The following ZKSCAN5 variants were observed in gnomAD, a reference collection of about 807,000 sequenced individuals.
The protein encoded by ZKSCAN5 is zinc finger with KRAB and SCAN domains 5.
In ZKSCAN5, 28 loss-of-function variants were observed where a neutral mutation model predicts 60.0. That is an observed-to-expected ratio of 0.47 (90% CI 0.35 to 0.64). ZKSCAN5 has a LOEUF of 0.64. Among genes scored for constraint, ZKSCAN5 ranks in the 30% least tolerant of loss-of-function variants. The probability of loss-of-function intolerance (pLI) is 0.01; values close to 1 mark genes in which losing one functional copy is unlikely to be tolerated. For synonymous variants in ZKSCAN5, 361 were observed against 371.2 expected, an observed-to-expected ratio of 0.97 and a Z score of 0.31; for missense variants, 881 against 1,034.6, an observed-to-expected ratio of 0.85 and a Z score of 2.04.
rs775443022 is a variant in ZKSCAN5, at chr7:99,506,157, T to G, written c.113T>G (p.Met38Arg). Residue 38 changes from methionine to arginine, a missense_variant, in exon 2 of 7, where the codon ATG becomes AGG. This residue lies in a region of ZKSCAN5 where 88 missense variants were observed against 65.2 expected (regional missense o/e 1.35). Transcript: ENST00000326775. Reference sequence around the variant, plus strand: ...GTGGAAGAAGAAGACTGCACCTGGATGCAGGAGTACAACCCGCCAACGTTT... The same window carrying G: ...GTGGAAGAAGAAGACTGCACCTGGAGGCAGGAGTACAACCCGCCAACGTTT... ...VKVEEEDCTWMQEYNPPTFET... is the reference protein window; with the variant it reads ...VKVEEEDCTWRQEYNPPTFET... The G allele has an allele frequency of 6.2e-6, 10 of 1,614,180 alleles. No individual in the cohort carries two copies. Among genetic ancestry groups the G allele is most frequent in the Non-Finnish European group, 8.5e-6 (10 of 1,180,042 alleles).
chr7:99,510,022 G>A (rs544900663), intron 2 of ZKSCAN5, among the ~76,000 whole-genome samples: 1 of 152,112 alleles, frequency 6.6e-6, no homozygotes, highest in Admixed American at 6.6e-5. Context: ...ATAGCTCACT[G>A]CAGCCTCGAA....
intron 1 of ZKSCAN5, 119 bp from the exon 2 acceptor site, chr7:99,505,881 TTAGTA>T: frequency 1.3e-6 from 1 of 755,340 alleles, no homozygotes; most frequent in Non-Finnish European, 2.1e-6. Context: ...GTGGTCGTCT[TTAGTA>T]TAGATGACCT....
intron 5 of ZKSCAN5, among the ~76,000 whole-genome samples, chr7:99,525,038 C>T (rs769812062): frequency 2.2e-4 from 34 of 151,778 alleles, no homozygotes; most frequent in Admixed American, 3.9e-4. Context: ...TGGTGATGTG[C>T]GCCTGTAGTC....
chr7:99,507,541 A>ATGTATATATATGTATATATATG, intron 2 of ZKSCAN5, among the ~76,000 whole-genome samples: 1 of 142,076 alleles, frequency 7.0e-6, no homozygotes, highest in South Asian at 2.1e-4. Context: ...GTATATATAT[A>ATGTATATATATGTATATATATG]TGTATATATA....
chr7:99,519,117 A>C (rs1172176995), intron 3 of ZKSCAN5, among the ~76,000 whole-genome samples: 2 of 151,230 alleles, frequency 1.3e-5, no homozygotes, highest in East Asian at 1.9e-4. Flanking sequence ...CTGGGACTAC[A>C]GGCACCTGCC....
chr7:99,532,169 T>C lies in ZKSCAN5; in HGVS notation c.2440T>C (p.Cys814Arg). Reference protein sequence around the residue: ...KECGMNFSWSCSLFKHLRSHE... With the variant: ...KECGMNFSWSRSLFKHLRSHE... ...ATGTGGAATGAATTTCAGCTGGAGT[T>C]GTAGCCTCTTTAAACACCTGAGAAG... Residue 814 changes from cysteine (C) to arginine (R), a missense_variant, in exon 7 of 7, where the codon TGT (cysteine) becomes CGT (arginine). Cys to Arg is a radical substitution (Grantham distance 180). Transcript: ENST00000326775. 1 of 1,613,606 alleles carries C rather than the reference T, an allele frequency of 6.2e-7. No homozygotes were observed.
chr7:99,508,795 C>A (rs1044902322), intron 2 of ZKSCAN5, among the ~76,000 whole-genome samples: 1 of 137,568 alleles, frequency 7.3e-6, no homozygotes, highest in Non-Finnish European at 1.6e-5. Flanking sequence ...TGAAATTTTT[C>A]TTTCTTTCTT....
In ZKSCAN5 at chr7:99,531,538, G is replaced by T; in HGVS notation, c.1809G>T (p.Lys603Asn). Reference sequence around the variant, plus strand: ...ATCAGCGCGTCCACACAGGTGAGAAGCCCTACACCTGTCCCTTATGTGGGA... The same window carrying T: ...ATCAGCGCGTCCACACAGGTGAGAATCCCTACACCTGTCCCTTATGTGGGA... ...TQHQRVHTGE[K>N]PYTCPLCGKA... Residue 603 changes from lysine (K) to asparagine (N), a missense_variant, in exon 7 of 7, where the codon AAG becomes AAT. Around this residue, in one of 5 missense-constraint regions of ZKSCAN5, gnomAD observed 112 missense variants for 182.4 expected, o/e 0.61. Coordinates refer to ENST00000326775, the MANE Select transcript of ZKSCAN5 (RefSeq NM_145102.4). The T allele has an allele frequency of 6.2e-7, 1 of 1,614,208 alleles. No individual in the cohort carries two copies. Among genetic ancestry groups the T allele is most frequent in the East Asian group, 2.2e-5 (1 of 44,876 alleles).
chr7:99,531,108 G>A lies in ZKSCAN5; in HGVS notation c.1379G>A (p.Cys460Tyr). The A allele has an allele frequency of 6.4e-7, 1 of 1,568,524 alleles. No homozygotes were observed. Among genetic ancestry groups the A allele is most frequent in the Non-Finnish European group, 8.6e-7 (1 of 1,163,822 alleles). ...TTCACTTGCTCTTTATTTTTTTTAGGCAGTGACAAAAGAAGTAAGAACACA... is the reference window on the plus strand; with the variant it reads ...TTCACTTGCTCTTTATTTTTTTTAGACAGTGACAAAAGAAGTAAGAACACA... The part of the protein sequence containing the change: ...KRHFREKSQR[C>Y]SDKRSKNTKL... The change falls in exon 7 of 7, where the codon TGC becomes TAC. Residue 460 changes from cysteine to tyrosine, a missense_variant and splice_region_variant. Physicochemically the swap from Cys to Tyr is radical, Grantham distance 194 (BLOSUM62 -2). Around this residue, in one of 5 missense-constraint regions of ZKSCAN5, gnomAD observed 490 missense variants for 554.5 expected, o/e 0.88. Transcript: ENST00000326775.
At chr7:99,513,709 T>C (rs760963788) in intron 3 of ZKSCAN5, 2 of 305,988 alleles carry the variant, frequency 6.5e-6, no homozygotes, top group Non-Finnish European at 1.4e-5. Flanking sequence ...ATAGATTTTC[T>C]TGTCTTAATG....
At chr7:99,522,529 A>G (rs971060957) in intron 5 of ZKSCAN5, among the ~76,000 whole-genome samples, 1 of 150,776 alleles carries the variant, frequency 6.6e-6, no homozygotes, top group East Asian at 2.0e-4. Flanking sequence ...GGAGCAGTGC[A>G]GTGGTACGAT....
At position 99,511,144 on chromosome 7, in the gene ZKSCAN5, A is replaced by G. The variant is rs184881990; in HGVS notation, c.415-1309A>G. Among the ~76,000 whole-genome samples the G allele has an allele frequency of 4.6e-5, 7 of 152,316 alleles. No homozygotes were observed. In the East Asian group the frequency reaches 1.4e-3, roughly 29 times the overall value. ...AATGTAAGGGAGGGAGAAAAGGGGA[A>G]AGGAACTTACTACATTCCAATATGT... On this transcript the variant is annotated intron_variant, in intron 2 of 6. Transcript: ENST00000326775.
chr7:99,508,736 G>A (rs1252418693), intron 2 of ZKSCAN5, among the ~76,000 whole-genome samples: 3 of 147,746 alleles, frequency 2.0e-5, no homozygotes, highest in Non-Finnish European at 4.5e-5. Flanking sequence ...GCGATGGAGC[G>A]AGACTCCCAT....
intron 3 of ZKSCAN5, among the ~76,000 whole-genome samples, chr7:99,516,430 C>G (rs1231650306): frequency 6.6e-6 from 1 of 152,166 alleles, no homozygotes; most frequent in African/African-American, 2.4e-5. Flanking sequence ...TGGCTTTCAT[C>G]TGTAACCATT....
intron 2 of ZKSCAN5, 65 bp from the exon 3 acceptor site, chr7:99,512,388 T>G: frequency 3.2e-6 from 5 of 1,551,088 alleles, no homozygotes; most frequent in Non-Finnish European, 4.4e-6. Context: ...TCCACCATGA[T>G]TCTACTGATT....
At position 99,506,387 on chromosome 7, in the gene ZKSCAN5, C is replaced by T; in HGVS notation, c.343C>T (p.Pro115Ser). The change falls in exon 2 of 7, where the codon CCT becomes TCT. Residue 115 changes from proline (P) to serine (S), a missense_variant. By Grantham distance (74) the Pro-to-Ser change is moderately conservative. This residue lies in a region of ZKSCAN5 where 53 missense variants were observed against 88.7 expected (regional missense o/e 0.60). Transcript: ENST00000326775. Reference sequence around the variant, plus strand: ...CCAGCCCTGGGTGAGGGAACATCACCCTGAAAGTGGAGAAGAGGCGGTGGC... The same window carrying T: ...CCAGCCCTGGGTGAGGGAACATCACTCTGAAAGTGGAGAAGAGGCGGTGGC... ...EFQPWVREHH[P>S]ESGEEAVAVI... 6.2e-7 allele frequency: 1 copy of T among 1,614,118 alleles called. No homozygotes were observed. The highest frequency in any genetic ancestry group is 8.5e-7 in the Non-Finnish European group (1 of 1,180,034).
At position 99,506,021 on chromosome 7, in the gene ZKSCAN5, T is replaced by G. The variant is rs778181689; in HGVS notation, c.-24T>G. 1.2e-6 allele frequency: 2 copies of G among 1,605,682 alleles called. No homozygotes were observed. Among genetic ancestry groups the G allele is most frequent in the South Asian group, 2.2e-5 (2 of 90,758 alleles). ...TTGTTTCAGTGTAACACAGCCAGCCTCGAAGACTTCCCTCTGAGTTGGAAT... is the reference window on the plus strand; with the variant it reads ...TTGTTTCAGTGTAACACAGCCAGCCGCGAAGACTTCCCTCTGAGTTGGAAT... On this transcript the variant is annotated 5_prime_UTR_variant, in exon 2 of 7. Coordinates refer to ENST00000326775, the MANE Select transcript of ZKSCAN5 (RefSeq NM_145102.4).
In ZKSCAN5 at chr7:99,531,445, T is replaced by C. The variant is rs2151119830; in HGVS notation, c.1716T>C (p.Thr572=). ...AHLIQHQRIH[T]GEKPFRCEEC... ...TTATTCAACATCAAAGAATACACAC[T>C]GGGGAGAAACCATTCAGGTGTGAGG... The change falls in exon 7 of 7, where the codon ACT becomes ACC. Residue 572 remains threonine, a synonymous_variant. Transcript: ENST00000326775. 1.2e-6 allele frequency: 2 copies of C among 1,614,136 alleles called. No individual in the cohort carries two copies. Among genetic ancestry groups the C allele is most frequent in the Non-Finnish European group, 1.7e-6 (2 of 1,180,018 alleles).
intron 2 of ZKSCAN5, among the ~76,000 whole-genome samples, chr7:99,510,570 G>C (rs902955319): frequency 2.0e-5 from 3 of 151,530 alleles, no homozygotes; most frequent in African/African-American, 7.3e-5. Context: ...TCAGCCTCCC[G>C]AGTAGCTGGG....
Sources: allele counts gnomAD v4.1 joint callset (sites outside exome capture counted in the v4.1 genomes callset), GRCh38; gene constraint gnomAD v4.1.1; regional missense constraint gnomAD v4.1.1; transcripts MANE v1.5; gene names NCBI Gene and HGNC (gene_info 2026-07-23, HGNC 2026-07-21).